The following EIF2S3 variants were observed in gnomAD, a reference collection of about 807,000 sequenced individuals.
EIF2S3 encodes the protein eukaryotic translation initiation factor 2 subunit 3.
In EIF2S3, 2 loss-of-function variants were observed where a neutral mutation model predicts 31.7. That is an observed-to-expected ratio of 0.06 (90% CI 0.03 to 0.20). EIF2S3 has a LOEUF of 0.20. EIF2S3 is among the 10% of genes least tolerant of loss of function. The pLI, the probability that EIF2S3 is intolerant of heterozygous loss-of-function variation, is 1.00. For missense variants in EIF2S3, 96 were observed against 359.3 expected (o/e 0.27, Z 5.92); for synonymous variants, 120 against 126.7 (o/e 0.95, Z 0.36).
intron 8 of EIF2S3, among the ~76,000 whole-genome samples, chrX:24,067,292 G>A (rs1334838076): frequency 9.0e-6 from 1 of 111,373 alleles, no homozygotes; most frequent in Non-Finnish European, 1.9e-5. Context: ...GCCTGCCTCA[G>A]CCTCCCAAAG....
chrX:24,064,945 C>A (rs1239222335), intron 7 of EIF2S3, among the ~76,000 whole-genome samples: 1 of 111,854 alleles, frequency 8.9e-6, no homozygotes, highest in African/African-American at 3.2e-5. Flanking sequence ...TTAGAACTTC[C>A]TGACTAAAAC....
At chrX:24,056,212 G>C (rs1930401842) in intron 2 of EIF2S3, among the ~76,000 whole-genome samples, 2 of 111,499 alleles carry the variant, frequency 1.8e-5, no homozygotes, top group Admixed American at 9.6e-5. Flanking sequence ...TTTTAACCTA[G>C]TTAAAAAGTA....
chrX:24,075,745 T>C (rs1200464614), intron 11 of EIF2S3, among the ~76,000 whole-genome samples: 2 of 111,383 alleles, frequency 1.8e-5, no homozygotes, highest in African/African-American at 6.5e-5. Context: ...ATTATTTATT[T>C]TATATTTTTT....
In EIF2S3 at chrX:24,076,854, T is replaced by C; in HGVS notation, c.*69T>C. ...GAATTCCTCTTAACAACCAAGGGGTTTATTTTCAAAGCAATATTGGGGAAT... is the reference window on the plus strand; with the variant it reads ...GAATTCCTCTTAACAACCAAGGGGTCTATTTTCAAAGCAATATTGGGGAAT... On this transcript the variant is annotated 3_prime_UTR_variant, in exon 12 of 12. Coordinates refer to ENST00000253039, the MANE Select transcript of EIF2S3 (RefSeq NM_001415.4). The C allele has an allele frequency of 1.0e-6, 1 of 995,303 alleles. No individual in the cohort carries two copies. Among genetic ancestry groups the C allele is most frequent in the Non-Finnish European group, 1.4e-6 (1 of 727,338 alleles). The allele number at this position is 995,303 out of a possible 1,213,427, so 82.0% of individuals were successfully genotyped here.
chrX:24,063,589 G>A (rs1930525429), intron 6 of EIF2S3, among the ~76,000 whole-genome samples: 1 of 110,881 alleles, frequency 9.0e-6, no homozygotes, highest in African/African-American at 3.3e-5. Context: ...AGACCAACCT[G>A]GGCCACGTGG....
chrX:24,059,270 T>C (rs1437198586), intron 4 of EIF2S3, among the ~76,000 whole-genome samples: 1 of 111,987 alleles, frequency 8.9e-6, no homozygotes, highest in Non-Finnish European at 1.9e-5. Flanking sequence ...TGACCTCTGT[T>C]TTAGATCATG....
chrX:24,059,982 T>C, intron 4 of EIF2S3, 106 bp from the exon 5 acceptor site: 2 of 596,811 alleles, frequency 3.4e-6, no homozygotes, highest in Non-Finnish European at 5.3e-6. Context: ...AACCATTTTA[T>C]AGCAATAAGA....
chrX:24,074,862 C>CTTCTTTTTTTTTTTTT (rs1555984976), intron 11 of EIF2S3, among the ~76,000 whole-genome samples: 1 of 47,466 alleles, frequency 2.1e-5, no homozygotes, highest in African/African-American at 9.6e-5. Context: ...TTTTCTTCTT[C>CTTCTTTTTTTTTTTTT]TTTTTTTTTT....
intron 6 of EIF2S3, among the ~76,000 whole-genome samples, chrX:24,063,399 C>T (rs746929908): frequency 1.8e-5 from 2 of 112,026 alleles, no homozygotes; most frequent in Non-Finnish European, 1.9e-5. Context: ...TCTGTCATCA[C>T]GAGAAGTAAT....
intron 11 of EIF2S3, 113 bp downstream of exon 11, chrX:24,073,376 A>G (rs1930700953): frequency 5.2e-6 from 5 of 970,537 alleles, no homozygotes; most frequent in Non-Finnish European, 7.0e-6. Context: ...TTCAGTCTCA[A>G]CTATTTATTT....
intron 10 of EIF2S3, 92 bp downstream of exon 10, chrX:24,071,819 G>T: frequency 1.1e-6 from 1 of 947,868 alleles, no homozygotes; most frequent in Non-Finnish European, 1.4e-6. Flanking sequence ...CAGTTAACAT[G>T]AAATTAAGAA....
intron 11 of EIF2S3, among the ~76,000 whole-genome samples, chrX:24,074,870 T>C (rs1373820955): frequency 5.2e-5 from 4 of 77,172 alleles, no homozygotes; most frequent in African/African-American, 1.4e-4. Flanking sequence ...TTCTTTTTTT[T>C]TTTTTTTTTT....
rs746010027 is a variant in EIF2S3, at chrX:24,077,149, A to C, written c.*364A>C. Reference sequence around the variant, plus strand: ...CTGGAGTGCAGTGGCGTGATCTGCAACCTCTGCCCCCCGGGTTCAAGCGAT... The same window carrying C: ...CTGGAGTGCAGTGGCGTGATCTGCACCCTCTGCCCCCCGGGTTCAAGCGAT... On this transcript the variant is annotated 3_prime_UTR_variant, in exon 12 of 12. Transcript: ENST00000253039. 35 of 120,495 alleles carry C rather than the reference A, an allele frequency of 2.9e-4. No homozygotes were observed. Among genetic ancestry groups the C allele is most frequent in the Middle Eastern group, 7.8e-3 (2 of 256 alleles). 9.9% of individuals were successfully genotyped at this position (120,495 alleles called of 1,213,427 possible). A position where few individuals can be genotyped will look rare whatever the true frequency, so the allele number is the denominator to read the frequency against.
intron 8 of EIF2S3, among the ~76,000 whole-genome samples, chrX:24,066,561 C>T (rs1448130270): frequency 5.2e-5 from 5 of 96,279 alleles, no homozygotes; most frequent in Admixed American, 1.3e-4. Flanking sequence ...CTTGCTGTTT[C>T]GCCCAAGCTG....
chrX:24,055,356 A>G lies in EIF2S3; in HGVS notation c.70-259A>G, dbSNP rs772633219. 7.2e-5 allele frequency among the ~76,000 whole-genome samples: 8 copies of G among 111,467 alleles called. No homozygotes were observed. The East Asian group carries it at 2.3e-3, about 31-fold the overall frequency. ...CCTGTCTGCATTACTTTTAGTGCTAATGTTCCCAAGATTGGGGGGATCTCT... is the reference window on the plus strand; with the variant it reads ...CCTGTCTGCATTACTTTTAGTGCTAGTGTTCCCAAGATTGGGGGGATCTCT... On this transcript the variant is annotated intron_variant, in intron 1 of 11. Transcript: ENST00000253039.
intron 4 of EIF2S3, among the ~76,000 whole-genome samples, chrX:24,058,522 A>AT (rs1261063772): frequency 3.9e-5 from 1 of 25,675 alleles, no homozygotes; most frequent in African/African-American, 1.8e-4. Context: ...GAATGCATAT[A>AT]TTTTTTTTTC....
At chrX:24,069,684 TTCTTTTTTTTTTTTTTTTTTTTTTGAG>T (rs1439672657) in intron 9 of EIF2S3, among the ~76,000 whole-genome samples, 2 of 79,679 alleles carry the variant, frequency 2.5e-5, no homozygotes, top group South Asian at 9.1e-4. Flanking sequence ...CTTTTTTAAT[TTCTTTTTTTTTTTTTTTTTTTTTTGAG>T]GCAGAGTCTC....
chrX:24,063,043 A>G (rs1397670822), intron 6 of EIF2S3, among the ~76,000 whole-genome samples: 2 of 111,369 alleles, frequency 1.8e-5, no homozygotes, highest in Non-Finnish European at 3.8e-5. Context: ...CGGAAGTTCG[A>G]GACCAGCCTG....
intron 8 of EIF2S3, among the ~76,000 whole-genome samples, chrX:24,067,493 C>CTTT (rs11375396): frequency 0.019 from 1,553 of 82,657 alleles, 39 homozygotes; most frequent in African/African-American, 0.061. Context: ...TCGTTCACAT[C>CTTT]TTTTTTTTTT....
Sources: allele counts gnomAD v4.1 joint callset (sites outside exome capture counted in the v4.1 genomes callset), GRCh38; gene constraint gnomAD v4.1.1; transcripts MANE v1.5; gene names NCBI Gene and HGNC (gene_info 2026-07-23, HGNC 2026-07-21).